Variants in RPSA2 observed in about 807,000 individuals in gnomAD.
The protein encoded by RPSA2 is small ribosomal subunit protein uS2B.
At chr19:23,773,005 G>T in the RPSA2 span, among the ~76,000 whole-genome samples, 1 of 152,050 alleles carries the variant, frequency 6.6e-6, no homozygotes. Context: ...GTACTAGCCG[G>T]GTTGCATTGA....
At chr19:23,778,201 C>G in the RPSA2 span, among the ~76,000 whole-genome samples, 1 of 152,106 alleles carries the variant, frequency 6.6e-6, no homozygotes, top group Non-Finnish European at 1.5e-5. Context: ...TTTGATGTGA[C>G]TTTCCTTTGT....
At chr19:23,864,495 A>G in the RPSA2 span, among the ~76,000 whole-genome samples, 1 of 151,992 alleles carries the variant, frequency 6.6e-6, no homozygotes, top group East Asian at 1.9e-4. Flanking sequence ...CAACACTATA[A>G]CAGTGCAAAT....
At chr19:23,813,193 C>T in the RPSA2 span, among the ~76,000 whole-genome samples, 1 of 140,594 alleles carries the variant, frequency 7.1e-6, no homozygotes, top group African/African-American at 2.7e-5. Flanking sequence ...ATAATTGTGC[C>T]ACGCACTCAA....
At chr19:23,862,266 G>A in the RPSA2 span, among the ~76,000 whole-genome samples, 1 of 151,846 alleles carries the variant, frequency 6.6e-6, no homozygotes, top group Non-Finnish European at 1.5e-5. Context: ...ATCAGCTTAA[G>A]GAGATTTTGG....
chr19:23,846,506 T>C, the RPSA2 span, among the ~76,000 whole-genome samples: 6 of 152,226 alleles, frequency 3.9e-5, 1 homozygote, highest in Admixed American at 3.9e-4. Context: ...TATCAATCTT[T>C]TGTTTTTATA....
At chr19:23,766,451 ATTT>A in the RPSA2 span, among the ~76,000 whole-genome samples, 19 of 102,700 alleles carry the variant, frequency 1.9e-4, no homozygotes, top group Middle Eastern at 5.2e-3. Context: ...TCTCAAGCTA[ATTT>A]TTTTTTTTTT....
chr19:23,795,545 TTGTC>T, the RPSA2 span, among the ~76,000 whole-genome samples: 1 of 152,284 alleles, frequency 6.6e-6, no homozygotes, highest in Non-Finnish European at 1.5e-5. Flanking sequence ...GATACTGAAG[TTGTC>T]TGTAAGTTTA....
the RPSA2 span, among the ~76,000 whole-genome samples, chr19:23,828,863 T>G: frequency 3.9e-5 from 6 of 152,216 alleles, no homozygotes; most frequent in African/African-American, 1.4e-4. Context: ...TATATTGTTC[T>G]AATTATATTG....
chr19:23,820,667 ATT>A, the RPSA2 span, among the ~76,000 whole-genome samples: 1 of 136,052 alleles, frequency 7.4e-6, no homozygotes. Context: ...CTTTGTATTT[ATT>A]TCTTTGCCCC....
the RPSA2 span, among the ~76,000 whole-genome samples, chr19:23,785,161 G>T: frequency 6.6e-6 from 1 of 152,178 alleles, no homozygotes; most frequent in East Asian, 1.9e-4. Context: ...GTTGCCCTCA[G>T]GTGGCATTGT....
At chr19:23,870,481 A>C in the RPSA2 span, among the ~76,000 whole-genome samples, 1 of 151,954 alleles carries the variant, frequency 6.6e-6, no homozygotes, top group Non-Finnish European at 1.5e-5. Context: ...GCCCATTTGC[A>C]GGGAGCTTTC....
At chr19:23,813,915 G>T in the RPSA2 span, among the ~76,000 whole-genome samples, 18 of 151,736 alleles carry the variant, frequency 1.2e-4, no homozygotes, top group Admixed American at 6.6e-5. Context: ...TAGAGATGGG[G>T]TTTCACCATG....
chr19:23,838,154 C>T, the RPSA2 span, among the ~76,000 whole-genome samples: 2,990 of 152,044 alleles, frequency 0.02, 42 homozygotes, highest in Non-Finnish European at 0.023. Flanking sequence ...AATTATAAAG[C>T]GATGTTGGAT....
chr19:23,832,432 C>A, the RPSA2 span: 4 of 495,844 alleles, frequency 8.1e-6, no homozygotes, highest in Non-Finnish European at 1.6e-5. Flanking sequence ...ATTCTCAACC[C>A]TAACTAGACA....
the RPSA2 span, among the ~76,000 whole-genome samples, chr19:23,804,502 A>G: frequency 6.6e-6 from 1 of 151,844 alleles, no homozygotes; most frequent in Non-Finnish European, 1.5e-5. Context: ...TCACCGTGTT[A>G]GCCAGGATGG....
At chr19:23,798,205 A>G in the RPSA2 span, among the ~76,000 whole-genome samples, 2 of 152,202 alleles carry the variant, frequency 1.3e-5, no homozygotes, top group Admixed American at 1.3e-4. Context: ...CCAAGAGCAC[A>G]CAAAAGTTTA....
At chr19:23,834,060 G>A in the RPSA2 span, among the ~76,000 whole-genome samples, 11 of 152,028 alleles carry the variant, frequency 7.2e-5, no homozygotes, top group Non-Finnish European at 1.2e-4. Context: ...ATCCAAAATT[G>A]TCTATGTAAA....
At chr19:23,827,610 C>G in the RPSA2 span, 8 of 1,592,272 alleles carry the variant, frequency 5.0e-6, no homozygotes, top group East Asian at 1.3e-4. Context: ...CTGTGTAACA[C>G]AGATTCTCCT....
At chr19:23,812,015 C>T in the RPSA2 span, among the ~76,000 whole-genome samples, 1 of 152,008 alleles carries the variant, frequency 6.6e-6, no homozygotes, top group African/African-American at 2.4e-5. Flanking sequence ...AAATGCCTGC[C>T]TTCCGGGAAT....
Sources: allele counts gnomAD v4.1 joint callset (sites outside exome capture counted in the v4.1 genomes callset), GRCh38; gene constraint gnomAD v4.1.1; transcripts MANE v1.5; gene names NCBI Gene and HGNC (gene_info 2026-07-23, HGNC 2026-07-21).